PDE7B: variants seen among roughly 807,000 people sequenced by gnomAD.
PDE7B encodes the protein 3',5'-cyclic-AMP phosphodiesterase 7B.
In PDE7B, 29 loss-of-function variants were observed where a neutral mutation model predicts 56.2. The observed-to-expected ratio is 0.52, with a 90% CI of 0.38 to 0.70. PDE7B has a LOEUF of 0.70. Ranked by LOEUF, PDE7B falls within the 30% of genes least tolerant of loss-of-function variation. PDE7B has a pLI of 0.00. For synonymous variants in PDE7B, 197 were observed against 196.9 expected, an observed-to-expected ratio of 1.00 and a Z score of 0.00; for missense variants, 490 against 565.0, an observed-to-expected ratio of 0.87 and a Z score of 1.35.
At chr6:136,061,992 A>G (rs1050549868) in intron 2 of PDE7B, among the ~76,000 whole-genome samples, 1 of 152,166 alleles carries the variant, frequency 6.6e-6, no homozygotes, top group Non-Finnish European at 1.5e-5. Context: ...CGATCTAGGG[A>G]TAAGACAGAA....
intron 2 of PDE7B, among the ~76,000 whole-genome samples, chr6:136,091,210 C>T (rs1329222116): frequency 6.6e-6 from 1 of 152,194 alleles, no homozygotes; most frequent in East Asian, 1.9e-4. Context: ...AGATTCACTC[C>T]TGCCCAATTA....
intron 3 of PDE7B, among the ~76,000 whole-genome samples, chr6:136,135,668 T>A (rs986579694): frequency 6.6e-6 from 1 of 151,336 alleles, no homozygotes; most frequent in Non-Finnish European, 1.5e-5. Context: ...ACTGGGGGAG[T>A]CATAGTATTT....
At chr6:136,138,536 G>A (rs142607654) in intron 3 of PDE7B, among the ~76,000 whole-genome samples, 97 of 151,970 alleles carry the variant, frequency 6.4e-4, no homozygotes, top group African/African-American at 2.1e-3. Context: ...ATTGTTGCAC[G>A]TTCTTCCCCT....
intron 2 of PDE7B, among the ~76,000 whole-genome samples, chr6:136,019,962 A>C (rs1363863276): frequency 6.6e-6 from 1 of 152,198 alleles, no homozygotes; most frequent in Non-Finnish European, 1.5e-5. Context: ...GAGACAGAAG[A>C]AAATCTACTT....
chr6:136,122,688 T>C (rs1484055540), intron 3 of PDE7B, among the ~76,000 whole-genome samples: 1 of 152,216 alleles, frequency 6.6e-6, no homozygotes, highest in African/African-American at 2.4e-5. Context: ...TGCTAAGCAC[T>C]TTATATGTAT....
intron 2 of PDE7B, among the ~76,000 whole-genome samples, chr6:135,959,080 C>T (rs1448543219): frequency 6.6e-6 from 1 of 152,138 alleles, no homozygotes; most frequent in Non-Finnish European, 1.5e-5. Flanking sequence ...AAATCTTGTA[C>T]ATTGCCATTT....
intron 2 of PDE7B, among the ~76,000 whole-genome samples, chr6:136,000,905 TCCCTGAC>T (rs1412205182): frequency 6.6e-6 from 1 of 152,090 alleles, no homozygotes; most frequent in East Asian, 1.9e-4. Context: ...CTCAAGTGGG[TCCCTGAC>T]CCCTGACCCC....
chr6:136,085,581 T>C (rs1777278292), intron 2 of PDE7B, among the ~76,000 whole-genome samples: 1 of 152,162 alleles, frequency 6.6e-6, no homozygotes, highest in South Asian at 2.1e-4. Flanking sequence ...GTTGATGGAA[T>C]CAGTTAACAT....
At chr6:136,099,636 T>C (rs1206135834) in intron 2 of PDE7B, among the ~76,000 whole-genome samples, 1 of 152,226 alleles carries the variant, frequency 6.6e-6, no homozygotes, top group Non-Finnish European at 1.5e-5. Flanking sequence ...TTTTTTCTTG[T>C]AAATTTGTTT....
At chr6:136,139,982 C>G (rs1197789487) in intron 3 of PDE7B, among the ~76,000 whole-genome samples, 4 of 152,106 alleles carry the variant, frequency 2.6e-5, no homozygotes, top group Non-Finnish European at 5.9e-5. Context: ...TAATTAGATC[C>G]CATTGGTCAA....
At chr6:135,971,224 G>A (rs1284583990) in intron 2 of PDE7B, among the ~76,000 whole-genome samples, 2 of 152,114 alleles carry the variant, frequency 1.3e-5, no homozygotes, top group African/African-American at 2.4e-5. Flanking sequence ...ACATCTTCAC[G>A]CAAACATGAA....
intron 2 of PDE7B, among the ~76,000 whole-genome samples, chr6:136,043,213 T>G (rs1776441744): frequency 6.6e-6 from 1 of 152,188 alleles, no homozygotes; most frequent in East Asian, 1.9e-4. Flanking sequence ...CATTAATAAT[T>G]TAAAGCATCT....
chr6:136,139,134 A>G (rs904886244), intron 3 of PDE7B, among the ~76,000 whole-genome samples: 4 of 152,080 alleles, frequency 2.6e-5, no homozygotes, highest in Non-Finnish European at 5.9e-5. Context: ...CCGACGCCAC[A>G]ACAGGCCCCA....
chr6:135,876,548 C>T (rs1386343664), intron 1 of PDE7B, among the ~76,000 whole-genome samples: 9 of 152,054 alleles, frequency 5.9e-5, no homozygotes, highest in Non-Finnish European at 1.2e-4. Flanking sequence ...CTTATATAGT[C>T]GATAGATATG....
At chr6:135,874,344 T>G (rs924561348) in intron 1 of PDE7B, among the ~76,000 whole-genome samples, 1 of 152,206 alleles carries the variant, frequency 6.6e-6, no homozygotes, top group Non-Finnish European at 1.5e-5. Flanking sequence ...CTTCTTACTT[T>G]CTTTCTAATT....
At chr6:135,963,238 T>C (rs1256697249) in intron 2 of PDE7B, among the ~76,000 whole-genome samples, 1 of 152,150 alleles carries the variant, frequency 6.6e-6, no homozygotes, top group East Asian at 1.9e-4. Flanking sequence ...CCAGGGGAAT[T>C]TGCAGTTTTC....
chr6:136,107,185 G>A (rs960474028), intron 2 of PDE7B, among the ~76,000 whole-genome samples: 1 of 152,122 alleles, frequency 6.6e-6, no homozygotes, highest in African/African-American at 2.4e-5. Context: ...ATCTCACCCA[G>A]GCCCTGAGTT....
intron 2 of PDE7B, among the ~76,000 whole-genome samples, chr6:135,952,509 T>C (rs1774720282): frequency 6.6e-6 from 1 of 152,126 alleles, no homozygotes; most frequent in African/African-American, 2.4e-5. Context: ...GAGGGTTTAT[T>C]GTTCAGCAAG....
intron 1 of PDE7B, among the ~76,000 whole-genome samples, chr6:135,853,514 G>A (rs1012147438): frequency 2.6e-5 from 4 of 152,136 alleles, no homozygotes; most frequent in Non-Finnish European, 4.4e-5. Context: ...CAGTAGTTAC[G>A]TCTTGATTGA....
Sources: gnomAD v4.1 joint callset for allele counts (sites outside exome capture counted in the v4.1 genomes callset) on GRCh38, gnomAD v4.1.1 for gene constraint, MANE v1.5 for transcripts, NCBI Gene and HGNC (gene_info 2026-07-23, HGNC 2026-07-21) for gene names.